RGS5: variants seen among roughly 807,000 people sequenced by gnomAD.
RGS5 encodes the protein regulator of G-protein signalling 5.
Under a neutral mutation model 18.9 loss-of-function variants are expected in RGS5, and 20 were observed. The observed-to-expected ratio is 1.06, with a 90% CI of 0.74 to 1.54. The LOEUF is 1.54. RGS5 is among the 40% of genes most tolerant of loss of function. The pLI is 0.00. For missense variants in RGS5, 201 were observed against 211.8 expected (o/e 0.95, Z 0.32); for synonymous variants, 57 against 76.2 (o/e 0.75, Z 1.31).
Position 163,143,982 on chromosome 1 carries a change from T to C in RGS5, c.*3360A>G, listed in dbSNP as rs1261472187. Reference sequence around the variant, plus strand: ...ACATCAACCAAATAAAATCCATGGCTTTGTAAAGGATAAAAAAAAAATTAA... The same window carrying C: ...ACATCAACCAAATAAAATCCATGGCCTTGTAAAGGATAAAAAAAAAATTAA... On this transcript the variant is annotated 3_prime_UTR_variant, in exon 5 of 5. Coordinates refer to ENST00000313961, the MANE Select transcript of RGS5 (RefSeq NM_003617.4). 2.0e-5 allele frequency: 3 copies of C among 152,082 alleles called. No homozygotes were observed. Among genetic ancestry groups the C allele is most frequent in the Non-Finnish European group, 2.9e-5 (2 of 68,008 alleles). 9.4% of individuals were successfully genotyped at this position (152,082 alleles called of 1,614,324 possible).
intron 2 of RGS5, among the ~76,000 whole-genome samples, chr1:163,246,069 T>G (rs1213545867): frequency 6.7e-6 from 1 of 150,250 alleles, no homozygotes; most frequent in Non-Finnish European, 1.5e-5. Flanking sequence ...TACAAAAAAT[T>G]AGCCAGGCGT....
At chr1:163,214,651 T>C (rs188796895) in intron 1 of RGS5, among the ~76,000 whole-genome samples, 1 of 152,308 alleles carries the variant, frequency 6.6e-6, no homozygotes, top group Admixed American at 6.5e-5. Flanking sequence ...CTCCCCATTA[T>C]GGCCAAAGTT....
intron 1 of RGS5, chr1:163,319,210 G>A (rs1185554634): frequency 6.6e-6 from 1 of 152,236 alleles, no homozygotes; most frequent in Non-Finnish European, 1.5e-5. Context: ...GGCTGCCATG[G>A]TCTCTTTGGA....
chr1:163,177,762 T>C (rs1658619908), intron 1 of RGS5, among the ~76,000 whole-genome samples: 1 of 152,230 alleles, frequency 6.6e-6, no homozygotes, highest in African/African-American at 2.4e-5. Context: ...TAAATACATA[T>C]TAATGTATCG....
intron 1 of RGS5, among the ~76,000 whole-genome samples, chr1:163,180,964 T>G (rs546208828): frequency 2.3e-4 from 35 of 152,144 alleles, no homozygotes; most frequent in African/African-American, 4.1e-4. Context: ...AAAGTGCTGG[T>G]ATTACAGGCG....
intron 2 of RGS5, among the ~76,000 whole-genome samples, chr1:163,166,661 G>A (rs951335448): frequency 6.6e-6 from 1 of 152,136 alleles, no homozygotes; most frequent in Non-Finnish European, 1.5e-5. Flanking sequence ...GGGATATGAA[G>A]GAATTTTCCA....
chr1:163,209,704 C>T (rs917625358), intron 1 of RGS5, among the ~76,000 whole-genome samples: 2 of 152,010 alleles, frequency 1.3e-5, no homozygotes, highest in Non-Finnish European at 2.9e-5. Flanking sequence ...TATTTTGATA[C>T]CTCACTGAAT....
chr1:163,219,959 G>GTATA (rs879745283), upstream of RGS5, among the ~76,000 whole-genome samples: 7 of 152,230 alleles, frequency 4.6e-5, no homozygotes, highest in Admixed American at 4.6e-4. Flanking sequence ...GGGACATGGA[G>GTATA]TATATATTTG....
intron 1 of RGS5, chr1:163,211,008 G>A (rs61810848): frequency 6.6e-6 from 1 of 152,248 alleles, no homozygotes; most frequent in South Asian, 2.1e-4. Context: ...CAAGCTAAGA[G>A]CATTTAGGAA....
At chr1:163,152,884 A>T (rs1657430643) in intron 3 of RGS5, among the ~76,000 whole-genome samples, 168 bp from the exon 4 acceptor site, 1 of 152,196 alleles carries the variant, frequency 6.6e-6, no homozygotes, top group Non-Finnish European at 1.5e-5. Context: ...AAGGAATGAG[A>T]CAGAGATGGA....
chr1:163,176,392 CG>C (rs1421025698), intron 1 of RGS5, among the ~76,000 whole-genome samples: 1 of 152,170 alleles, frequency 6.6e-6, no homozygotes, highest in African/African-American at 2.4e-5. Context: ...GAGGGCAAGG[CG>C]GGCAGATCAC....
chr1:163,221,000 G>A (rs952565141), upstream of RGS5, among the ~76,000 whole-genome samples: 10 of 152,172 alleles, frequency 6.6e-5, no homozygotes, highest in African/African-American at 2.2e-4. Context: ...GAATAAATCT[G>A]TGTTGTTTCA....
At chr1:163,294,782 TG>T (rs1649382980) in intron 2 of RGS5, among the ~76,000 whole-genome samples, 1 of 152,326 alleles carries the variant, frequency 6.6e-6, no homozygotes, top group East Asian at 1.9e-4. Context: ...ACCATCTCTT[TG>T]TGAGCACATG....
chr1:163,155,817 C>T (rs1657557913), intron 3 of RGS5, among the ~76,000 whole-genome samples: 1 of 152,112 alleles, frequency 6.6e-6, no homozygotes, highest in African/African-American at 2.4e-5. Flanking sequence ...GTCGGAGTAC[C>T]TCTCAACCCA....
intron 2 of RGS5, among the ~76,000 whole-genome samples, chr1:163,235,562 T>C (rs1647601359): frequency 6.6e-6 from 1 of 152,198 alleles, no homozygotes; most frequent in Non-Finnish European, 1.5e-5. Context: ...CCTATGGTTC[T>C]TCTCATCTCT....
chr1:163,259,701 C>T (rs376196397), intron 2 of RGS5: 27 of 152,272 alleles, frequency 1.8e-4, no homozygotes, highest in East Asian at 1.5e-3. Context: ...ACTAGTATTA[C>T]ATAATTTGCT....
At chr1:163,300,881 T>C (rs888958415) in intron 2 of RGS5, among the ~76,000 whole-genome samples, 1 of 152,214 alleles carries the variant, frequency 6.6e-6, no homozygotes, top group African/African-American at 2.4e-5. Flanking sequence ...TTACCAAGTG[T>C]ATTGACTCTG....
At position 163,161,964 on chromosome 1, in the gene RGS5, G is replaced by A. The variant is rs777324995; in HGVS notation, c.168C>T (p.Asp56=). The change falls in exon 3 of 5, where the codon GAC becomes GAT. Residue 56 remains aspartate, a synonymous_variant. Coordinates refer to ENST00000313961, the MANE Select transcript of RGS5 (RefSeq NM_003617.4). ...GGGAATCACGCCACTGCAGGGCCTC[G>A]TCCAGCGAGGTTCTACATCAATAAT... is the stretch of plus-strand genomic sequence containing the variant. ...KPAKTQKTSL[D]EALQWRDSLD... is the part of the protein sequence containing the mutation. 23 of 1,612,764 alleles carry A rather than the reference G, an allele frequency of 1.4e-5. No individual in the cohort carries two copies. The highest frequency in any genetic ancestry group is 1.2e-4 in the Admixed American group (7 of 59,978).
At chr1:163,306,984 T>C (rs1165689758) in intron 1 of RGS5, among the ~76,000 whole-genome samples, 1 of 152,206 alleles carries the variant, frequency 6.6e-6, no homozygotes, top group Non-Finnish European at 1.5e-5. Flanking sequence ...TGATACTTGT[T>C]ATGGCAGCCC....
Sources: gnomAD v4.1 joint callset for allele counts (sites outside exome capture counted in the v4.1 genomes callset) on GRCh38, gnomAD v4.1.1 for gene constraint, MANE v1.5 for transcripts, NCBI Gene and HGNC (gene_info 2026-07-23, HGNC 2026-07-21) for gene names.